The following CHRM5 variants were observed in gnomAD, a reference collection of about 807,000 sequenced individuals.
CHRM5 encodes the protein cholinergic receptor muscarinic 5, also known as muscarinic acetylcholine receptor M5.
Under a neutral mutation model 39.0 loss-of-function variants are expected in CHRM5, and 18 were observed. The ratio of observed to expected loss-of-function variants is 0.46; its 90% CI spans 0.32 to 0.68. The LOEUF (loss-of-function observed/expected upper bound fraction) is 0.68, where lower values mean the gene tolerates loss of function less well. Among genes scored for constraint, CHRM5 ranks in the 30% least tolerant of loss-of-function variants. The pLI, the probability that CHRM5 is intolerant of heterozygous loss-of-function variation, is 0.04. For synonymous variants in CHRM5, 241 were observed against 246.3 expected, an observed-to-expected ratio of 0.98 and a Z score of 0.20; for missense variants, 515 against 651.1, an observed-to-expected ratio of 0.79 and a Z score of 2.28.
At chr15:34,011,668 C>T (rs192165055) in intron 1 of CHRM5, among the ~76,000 whole-genome samples, 3 of 152,264 alleles carry the variant, frequency 2.0e-5, no homozygotes, top group African/African-American at 7.2e-5. Context: ...GAACTCAACC[C>T]TCAGTGCAGC....
chr15:34,062,945 T>A lies in CHRM5; in HGVS notation c.228T>A (p.Asp76Glu), dbSNP rs750841044. The change falls in exon 3 of 3, where the codon GAT becomes GAA. Residue 76 changes from aspartate (D) to glutamate (E), a missense_variant. Asp to Glu is a conservative substitution (Grantham distance 45, BLOSUM62 2). Coordinates refer to ENST00000383263, the MANE Select transcript of CHRM5 (RefSeq NM_012125.4). Reference sequence around the variant, plus strand: ...ACCTGCTCAGCTTAGCCTGTGCAGATCTCATCATTGGAATCTTCTCCATGA... The same window carrying A: ...ACCTGCTCAGCTTAGCCTGTGCAGAACTCATCATTGGAATCTTCTCCATGA... ...NYYLLSLACADLIIGIFSMNL... is the reference protein window; with the variant it reads ...NYYLLSLACAELIIGIFSMNL... 1 of 1,614,168 alleles carries A rather than the reference T, an allele frequency of 6.2e-7. No individual in the cohort carries two copies. The highest frequency in any genetic ancestry group is 8.5e-7 in the Non-Finnish European group (1 of 1,180,032).
chr15:34,064,327 A>G lies in CHRM5; in HGVS notation c.*11A>G. 1.9e-6 allele frequency: 3 copies of G among 1,601,890 alleles called. No homozygotes were observed. Among genetic ancestry groups the G allele is most frequent in the Non-Finnish European group, 2.6e-6 (3 of 1,174,472 alleles). ...AGCAAGCTACCCTGAAAAGTCAACAACTCCTCTCGAAAGAACAATGACCAC... is the reference window on the plus strand; with the variant it reads ...AGCAAGCTACCCTGAAAAGTCAACAGCTCCTCTCGAAAGAACAATGACCAC... On this transcript the variant is annotated 3_prime_UTR_variant, in exon 3 of 3. Coordinates refer to ENST00000383263, the MANE Select transcript of CHRM5 (RefSeq NM_012125.4).
chr15:34,059,792 G>A (rs1481854355), intron 2 of CHRM5, among the ~76,000 whole-genome samples: 1 of 152,194 alleles, frequency 6.6e-6, no homozygotes, highest in Non-Finnish European at 1.5e-5. Context: ...TGCTTCCCAT[G>A]TCCACTCAAC....
At chr15:33,990,032 G>A (rs1199724795) in intron 1 of CHRM5, among the ~76,000 whole-genome samples, 5 of 151,640 alleles carry the variant, frequency 3.3e-5, no homozygotes, top group African/African-American at 7.3e-5. Context: ...GTGAAACCCC[G>A]TCTCTACTAA....
intron 1 of CHRM5, among the ~76,000 whole-genome samples, chr15:34,045,880 C>T (rs145922646): frequency 6.6e-6 from 1 of 152,118 alleles, no homozygotes; most frequent in Non-Finnish European, 1.5e-5. Flanking sequence ...AAGAAACAAT[C>T]GGCCAAGGTT....
At chr15:34,023,614 AG>A (rs1346318641) in intron 1 of CHRM5, among the ~76,000 whole-genome samples, 1 of 152,196 alleles carries the variant, frequency 6.6e-6, no homozygotes, top group African/African-American at 2.4e-5. Context: ...AAAAGATGGA[AG>A]AAAATAAAAA....
chr15:34,037,288 G>A (rs1417785872), intron 1 of CHRM5, among the ~76,000 whole-genome samples: 1 of 151,898 alleles, frequency 6.6e-6, no homozygotes, highest in Non-Finnish European at 1.5e-5. Flanking sequence ...CTTAAAGCAC[G>A]ATCCCTGCAG....
In CHRM5 at chr15:34,063,054, G is replaced by T; in HGVS notation, c.337G>T (p.Ala113Ser). The T allele has an allele frequency of 6.2e-7, 1 of 1,614,174 alleles. No homozygotes were observed. Among genetic ancestry groups the T allele is most frequent in the Non-Finnish European group, 8.5e-7 (1 of 1,180,036 alleles). ...CDLWLALDYV[A>S]SNASVMNLLV... is the part of the protein sequence containing the mutation. ...CCTTTGGCTTGCACTGGACTACGTG[G>T]CCAGCAACGCTTCTGTCATGAACCT... Residue 113 changes from alanine to serine, a missense_variant, in exon 3 of 3, where the codon GCC becomes TCC. Physicochemically the swap from Ala to Ser is moderately conservative, Grantham distance 99 (BLOSUM62 1). Transcript: ENST00000383263. This position sits in a 1 kb window ranked among gnomAD's most constrained non-coding sequence, Gnocchi z 4.1.
chr15:34,032,965 C>A (rs1314793675), intron 1 of CHRM5, among the ~76,000 whole-genome samples: 2 of 152,156 alleles, frequency 1.3e-5, no homozygotes, highest in Non-Finnish European at 2.9e-5. Flanking sequence ...TTAAAAATAA[C>A]TTTTTGGCAT....
intron 2 of CHRM5, among the ~76,000 whole-genome samples, chr15:34,056,429 A>G (rs1464410057): frequency 1.3e-5 from 2 of 152,242 alleles, no homozygotes; most frequent in East Asian, 3.9e-4. Flanking sequence ...TTCCTCTGAG[A>G]AAGGCTAGAT....
chr15:34,002,190 G>GT (rs1178421071), intron 1 of CHRM5, among the ~76,000 whole-genome samples: 39 of 152,056 alleles, frequency 2.6e-4, no homozygotes, highest in African/African-American at 8.5e-4. Context: ...TTGTGCACAC[G>GT]TGTGTATATT....
chr15:33,988,129 T>C (rs1896556982), intron 1 of CHRM5, among the ~76,000 whole-genome samples: 1 of 152,244 alleles, frequency 6.6e-6, no homozygotes. Context: ...AGGCAGCTTC[T>C]TAACCAACCA....
chr15:34,014,762 C>G (rs1897809614), intron 1 of CHRM5, among the ~76,000 whole-genome samples: 2 of 152,260 alleles, frequency 1.3e-5, no homozygotes, highest in Admixed American at 1.3e-4. Context: ...CTGGTGAGTT[C>G]AAGGAATTTG....
At chr15:34,015,351 C>T (rs1039030273) in intron 1 of CHRM5, among the ~76,000 whole-genome samples, 13 of 151,892 alleles carry the variant, frequency 8.6e-5, no homozygotes, top group African/African-American at 1.9e-4. Flanking sequence ...GGTGCGGTGG[C>T]GGGCACCTGT....
intron 1 of CHRM5, among the ~76,000 whole-genome samples, chr15:34,009,091 A>G (rs990625903): frequency 3.3e-5 from 5 of 152,198 alleles, no homozygotes; most frequent in Admixed American, 3.3e-4. Flanking sequence ...CCAGAAGGCA[A>G]TAATATAACA....
chr15:33,994,547 G>A (rs571118626), intron 1 of CHRM5, among the ~76,000 whole-genome samples: 8 of 152,262 alleles, frequency 5.3e-5, no homozygotes, highest in South Asian at 2.1e-4. Flanking sequence ...CCACAAAACC[G>A]GTCCCTGGTG....
At chr15:34,039,170 G>A (rs1899340887) in intron 1 of CHRM5, 12 of 839,268 alleles carry the variant, frequency 1.4e-5, no homozygotes, top group Non-Finnish European at 1.6e-5. Context: ...AGCGAGGCGC[G>A]GGGTGCGGGG....
At chr15:33,995,263 C>T (rs964497635) in intron 1 of CHRM5, among the ~76,000 whole-genome samples, 6 of 151,546 alleles carry the variant, frequency 4.0e-5, no homozygotes, top group African/African-American at 1.5e-4. Flanking sequence ...AACCCTGTCT[C>T]TCTAAAAATA....
intron 1 of CHRM5, among the ~76,000 whole-genome samples, chr15:34,024,003 G>GTT (rs1359538813): frequency 2.6e-5 from 4 of 152,112 alleles, no homozygotes; most frequent in Non-Finnish European, 2.9e-5. Flanking sequence ...GGTTTTAATC[G>GTT]TAACAGGAAA....
Sources: gnomAD v4.1 joint callset for allele counts (sites outside exome capture counted in the v4.1 genomes callset) on GRCh38, gnomAD v4.1.1 for gene constraint, Gnocchi (gnomAD v3.1) non-coding constraint, MANE v1.5 for transcripts, NCBI Gene and HGNC (gene_info 2026-07-23, HGNC 2026-07-21) for gene names.